The following TNRC18 variants were observed in gnomAD, a reference collection of about 807,000 sequenced individuals.
TNRC18 encodes trinucleotide repeat-containing gene 18 protein.
TNRC18 carries 69 observed loss-of-function variants against 226.7 expected under a neutral mutation model. The ratio of observed to expected loss-of-function variants is 0.30; its 90% CI spans 0.25 to 0.37. The LOEUF (loss-of-function observed/expected upper bound fraction) is 0.37. TNRC18 is among the 10% of genes least tolerant of loss of function. The probability of loss-of-function intolerance (pLI) is 1.00; values close to 1 mark genes in which losing one functional copy is unlikely to be tolerated. For missense variants in TNRC18, 4,754 were observed against 4,256.6 expected (o/e 1.12, Z -3.25); for synonymous variants, 2,449 against 1,927.6 (o/e 1.27, Z -7.09).
intron 5 of TNRC18, among the ~76,000 whole-genome samples, chr7:5,379,889 C>T (rs1236806796): frequency 6.6e-6 from 1 of 152,178 alleles, no homozygotes; most frequent in Non-Finnish European, 1.5e-5. Context: ...CTAGGTCCTC[C>T]TACGCAGCGC....
intron 2 of TNRC18, among the ~76,000 whole-genome samples, chr7:5,411,080 T>C (rs558501827): frequency 5.8e-4 from 88 of 151,092 alleles, no homozygotes; most frequent in Non-Finnish European, 1.1e-3. Flanking sequence ...TGGTGGCACA[T>C]GCCTGTTAAT....
intron 19 of TNRC18, chr7:5,325,704 A>T (rs12531649): frequency 3.4e-5 from 5 of 146,614 alleles, no homozygotes; most frequent in African/African-American, 1.3e-4. Context: ...GATTACAGGC[A>T]TGAGCAAACG....
intron 18 of TNRC18, among the ~76,000 whole-genome samples, 180 bp from the exon 19 acceptor site, chr7:5,333,229 C>A (rs1047124960): frequency 6.6e-6 from 1 of 151,700 alleles, no homozygotes; most frequent in Admixed American, 6.5e-5. Flanking sequence ...CCACGCCTGT[C>A]CCTACGCCTG....
chr7:5,365,684 GCA>G lies in TNRC18; in HGVS notation c.4220-2861_4220-2860del, dbSNP rs565239349. ...GCCCGGGCGGGTCTTAAACTCCTGG[GCA>G]CAAGCAGTCCTTCTGCCGCAGCCTC... On this transcript the variant is annotated intron_variant, in intron 11 of 29. Coordinates refer to ENST00000430969, the MANE Select transcript of TNRC18 (RefSeq NM_001080495.3). 1.2e-4 allele frequency among the ~76,000 whole-genome samples: 19 copies of G among 152,078 alleles called. No individual in the cohort carries two copies. In the South Asian group the frequency reaches 3.1e-3, roughly 25 times the overall value.
rs1483085100 is a variant in TNRC18 at position 5,362,938 on chromosome 7, C to T, written c.4220-113G>A. The T allele has an allele frequency of 5.3e-6, 6 of 1,140,546 alleles. No homozygotes were observed. In the South Asian group the frequency reaches 6.7e-5, roughly 13 times the overall value. 70.7% of individuals were successfully genotyped at this position (1,140,546 alleles called of 1,614,324 possible). Reference sequence around the variant, plus strand: ...CCCCAGGCCACACGTGCCCATCCCCCAAGGTGCTGAGTAGACAGAGGCCTT... The same window carrying T: ...CCCCAGGCCACACGTGCCCATCCCCTAAGGTGCTGAGTAGACAGAGGCCTT... On this transcript the variant is annotated intron_variant, in intron 11 of 29. Transcript: ENST00000430969.
rs1300017699 is a variant in TNRC18 at position 5,333,067 on chromosome 7, G to C, written c.5720-18C>G. 1 of 1,560,510 alleles carries C rather than the reference G, an allele frequency of 6.4e-7. No homozygotes were observed. The highest frequency in any genetic ancestry group is 8.6e-7 in the Non-Finnish European group (1 of 1,160,866). On this transcript the variant is annotated intron_variant, in intron 18 of 29. Coordinates refer to ENST00000430969, the MANE Select transcript of TNRC18 (RefSeq NM_001080495.3). ...CTCTGTGCCTGAACGCGGGAGGAGG[G>C]CGTGCTGGTCACAGCCTCGTGGGGA...
Position 5,312,769 on chromosome 7 carries a change from C to G in TNRC18, c.8122G>C (p.Gly2708Arg). 3 of 1,533,012 alleles carry G rather than the reference C, an allele frequency of 2.0e-6. No individual in the cohort carries two copies. Among genetic ancestry groups the G allele is most frequent in the Non-Finnish European group, 2.6e-6 (3 of 1,144,956 alleles). The allele number at this position is 1,533,012 out of a possible 1,614,324, so 95.0% of individuals were successfully genotyped here. Residue 2708 changes from glycine to arginine, a missense_variant, in exon 27 of 30, where the codon GGC becomes CGC. Physicochemically the swap from Gly to Arg is moderately radical, Grantham distance 125 (BLOSUM62 -2). Transcript: ENST00000430969. This position sits in a 1 kb window ranked among gnomAD's most constrained non-coding sequence, Gnocchi z 6.3. ...GAGTGGGCCGAGGGCCGCGCCTTGC[C>G]GGCCTGCTTGGTGGCCTTGGTGGGG... ...ALPTKATKQAGKARPSAHSPG... is the reference protein window; with the variant it reads ...ALPTKATKQARKARPSAHSPG...
intron 1 of TNRC18, among the ~76,000 whole-genome samples, chr7:5,422,334 C>A (rs1431464893): frequency 7.1e-6 from 1 of 140,998 alleles, no homozygotes; most frequent in Non-Finnish European, 1.6e-5. Flanking sequence ...TAGCTTCCCC[C>A]CCCACAACCA....
intron 2 of TNRC18, among the ~76,000 whole-genome samples, chr7:5,401,268 A>G (rs1311556808): frequency 2.6e-5 from 4 of 151,950 alleles, no homozygotes; most frequent in African/African-American, 9.7e-5. Flanking sequence ...TGATAGGGAT[A>G]TAAGTTCCTT....
intron 16 of TNRC18, among the ~76,000 whole-genome samples, chr7:5,352,983 C>T (rs1791985531): frequency 6.6e-6 from 1 of 152,238 alleles, no homozygotes; most frequent in South Asian, 2.1e-4. Flanking sequence ...CCAAGAGAAA[C>T]CACATGCACG....
At chr7:5,357,322 G>T (rs966466397) in intron 15 of TNRC18, 46 bp from the exon 16 acceptor site, 2 of 1,551,294 alleles carry the variant, frequency 1.3e-6, no homozygotes, top group Middle Eastern at 1.7e-4. Context: ...TGACAAAACA[G>T]TATAGTGGGT....
At chr7:5,345,517 G>GCCC in intron 18 of TNRC18, 45 bp downstream of exon 18, 1 of 377,744 alleles carries the variant, frequency 2.6e-6, no homozygotes, top group Non-Finnish European at 4.8e-6. Context: ...AATGGCGTCC[G>GCCC]CCCCTCCCAC....
chr7:5,387,622 G>A (rs1341358030), intron 5 of TNRC18, 50 bp downstream of exon 5: 2 of 1,594,922 alleles, frequency 1.3e-6, no homozygotes, highest in Non-Finnish European at 1.7e-6. Flanking sequence ...ACGGGAAACG[G>A]CAGAGAGACC....
Position 5,362,694 on chromosome 7 carries a change from T to G in TNRC18, c.4351A>C (p.Lys1451Gln). 4 of 1,586,850 alleles carry G rather than the reference T, an allele frequency of 2.5e-6. No homozygotes were observed. Among genetic ancestry groups the G allele is most frequent in the Non-Finnish European group, 3.4e-6 (4 of 1,167,472 alleles). ...ATCCAGCTGTACTTCTTGTTGGGCT[T>G]CAGCTCCCGCGGGAGCCGCAGGTTC... ...LKNLRLPRELKPNKKYSWMRK... is the reference protein window; with the variant it reads ...LKNLRLPRELQPNKKYSWMRK... Residue 1451 changes from lysine (K) to glutamine (Q), a missense_variant, in exon 12 of 30, where the codon AAG becomes CAG. By Grantham distance (53) the Lys-to-Gln change is moderately conservative. Coordinates refer to ENST00000430969, the MANE Select transcript of TNRC18 (RefSeq NM_001080495.3).
chr7:5,339,229 C>CTTTTTTTTTTTTTTGTTTTTTTTTTTTTT (rs199794938), intron 18 of TNRC18, among the ~76,000 whole-genome samples: 1 of 142,602 alleles, frequency 7.0e-6, no homozygotes. Flanking sequence ...CTTTTTTTTT[C>CTTTTTTTTTTTTTTGTTTTTTTTTTTTTT]TTTTTTTTTT....
intron 2 of TNRC18, among the ~76,000 whole-genome samples, chr7:5,404,792 G>GTGTGTGTA (rs1469707786): frequency 5.9e-5 from 9 of 151,394 alleles, no homozygotes; most frequent in Non-Finnish European, 1.0e-4. Flanking sequence ...GTGTGTGTGT[G>GTGTGTGTA]TATAAAATGA....
intron 15 of TNRC18, among the ~76,000 whole-genome samples, chr7:5,358,815 AAAAC>A (rs200977627): frequency 0.095 from 14,528 of 152,220 alleles, 816 homozygotes; most frequent in South Asian, 0.14. Flanking sequence ...CTGTCTCAAA[AAAAC>A]AAACAAACAA....
intron 2 of TNRC18, among the ~76,000 whole-genome samples, chr7:5,416,986 A>C (rs1216856371): frequency 1.2e-4 from 2 of 16,226 alleles, no homozygotes; most frequent in Non-Finnish European, 2.1e-4. Context: ...TGTCTCTTAA[A>C]AAAAAAATTT....
chr7:5,351,573 C>CA (rs1192522143), intron 17 of TNRC18, among the ~76,000 whole-genome samples: 1 of 152,094 alleles, frequency 6.6e-6, no homozygotes, highest in Non-Finnish European at 1.5e-5. Flanking sequence ...TATAACAGCT[C>CA]AAAAAGAGCC....
Sources: gnomAD v4.1 joint callset for allele counts (sites outside exome capture counted in the v4.1 genomes callset) on GRCh38, gnomAD v4.1.1 for gene constraint, Gnocchi (gnomAD v3.1) non-coding constraint, MANE v1.5 for transcripts, NCBI Gene and HGNC (gene_info 2026-07-23, HGNC 2026-07-21) for gene names.